SMOC1: variants seen among roughly 807,000 people sequenced by gnomAD.
SMOC1 encodes the protein SPARC related modular calcium binding 1, also known as SPARC-related modular calcium-binding protein 1.
In SMOC1, 22 loss-of-function variants were observed where a neutral mutation model predicts 56.3. The ratio of observed to expected loss-of-function variants is 0.39; its 90% CI spans 0.28 to 0.56. The LOEUF (loss-of-function observed/expected upper bound fraction) is 0.56, where lower values mean the gene tolerates loss of function less well. SMOC1 is among the 20% of genes least tolerant of loss of function. The pLI is 0.61. For missense variants in SMOC1, 509 were observed against 565.4 expected (o/e 0.90, Z 1.01); for synonymous variants, 193 against 215.0 (o/e 0.90, Z 0.89).
intron 1 of SMOC1, among the ~76,000 whole-genome samples, chr14:69,899,796 G>A (rs1884194410): frequency 6.6e-6 from 1 of 152,158 alleles, no homozygotes; most frequent in Non-Finnish European, 1.5e-5. Flanking sequence ...CAGGTTGTCA[G>A]TTACAGTTTA....
chr14:69,961,432 G>C (rs10140099), intron 3 of SMOC1, among the ~76,000 whole-genome samples: 2,561 of 151,478 alleles, frequency 0.017, 29 homozygotes, highest in Middle Eastern at 0.099. Flanking sequence ...CCAGGCTGGA[G>C]TGCAGTGGCA....
chr14:69,952,168 A>C lies in SMOC1; in HGVS notation c.130A>C (p.Asn44His). Residue 44 changes from asparagine to histidine, a missense_variant, in exon 2 of 12, where the codon AAC becomes CAC. Asn to His is a moderately conservative substitution (Grantham distance 68). Coordinates refer to ENST00000361956, the MANE Select transcript of SMOC1 (RefSeq NM_001034852.3). Reference protein sequence around the residue: ...FLISDRDPQCNLHCSRTQPKP... With the variant: ...FLISDRDPQCHLHCSRTQPKP... ...AATAAGTGACCGTGACCCACAGTGC[A>C]ACCTCCACTGCTCCAGGACTCAACC... 6.2e-7 allele frequency: 1 copy of C among 1,614,166 alleles called. No homozygotes were observed. Among genetic ancestry groups the C allele is most frequent in the Non-Finnish European group, 8.5e-7 (1 of 1,180,008 alleles).
intron 1 of SMOC1, among the ~76,000 whole-genome samples, chr14:69,917,967 T>C (rs1342815078): frequency 1.2e-4 from 19 of 152,192 alleles, no homozygotes; most frequent in Admixed American, 1.2e-3. Flanking sequence ...TTCCTGCCTC[T>C]AGTAATGTGG....
intron 5 of SMOC1, among the ~76,000 whole-genome samples, chr14:69,980,463 C>T (rs76352239): frequency 0.01 from 1,554 of 152,258 alleles, 28 homozygotes; most frequent in African/African-American, 0.036. Flanking sequence ...TTTGAAGGAT[C>T]TGATTAGGTG....
rs566590546 is a variant in SMOC1, at chr14:69,907,052, C to T, written c.99+27275C>T. ...ATAGGAGGAGTTAGGTGGAAACAGT[C>T]ATATTTCTGAGAAAATGTTCTTGAA... On this transcript the variant is annotated intron_variant, in intron 1 of 11. Transcript: ENST00000361956. Among the ~76,000 whole-genome samples, 7 of 152,258 alleles carry T rather than the reference C, an allele frequency of 4.6e-5. 1 individual carries two copies. The East Asian group carries it at 1.4e-3, about 29-fold the overall frequency.
chr14:69,913,052 C>T (rs1884595066), intron 1 of SMOC1, among the ~76,000 whole-genome samples: 1 of 152,180 alleles, frequency 6.6e-6, no homozygotes, highest in Non-Finnish European at 1.5e-5. Flanking sequence ...ACAGATCATG[C>T]ACAGTTTGAC....
chr14:69,910,041 C>T lies in SMOC1; in HGVS notation c.99+30264C>T, dbSNP rs148333148. Among the ~76,000 whole-genome samples the T allele has an allele frequency of 3.9e-3, 589 of 152,274 alleles. 6 individuals are homozygous for T. Among genetic ancestry groups the T allele is most frequent in the African/African-American group, 0.013 (559 of 41,542 alleles). On this transcript the variant is annotated intron_variant, in intron 1 of 11. Transcript: ENST00000361956. ...CCTGGCGACAGATCATCTGCCTCTG[C>T]TTTCTGTGTTAGCTTATGTTTTCAG...
At chr14:69,929,714 C>T (rs116283262) in intron 1 of SMOC1, among the ~76,000 whole-genome samples, 174 of 152,160 alleles carry the variant, frequency 1.1e-3, no homozygotes, top group African/African-American at 3.8e-3. Flanking sequence ...TATGATCTCC[C>T]GGGGGAAAAG....
chr14:69,969,808 A>G (rs1883695909), intron 3 of SMOC1, among the ~76,000 whole-genome samples: 1 of 152,188 alleles, frequency 6.6e-6, no homozygotes, highest in South Asian at 2.1e-4. Flanking sequence ...AATATTTCCA[A>G]AGTTATTTGG....
At chr14:69,940,447 A>T (rs146147438) in intron 1 of SMOC1, among the ~76,000 whole-genome samples, 1 of 152,352 alleles carries the variant, frequency 6.6e-6, no homozygotes, top group East Asian at 1.9e-4. Flanking sequence ...GTCAGATCTC[A>T]TAGGAGTGTT....
intron 3 of SMOC1, among the ~76,000 whole-genome samples, chr14:69,973,410 C>T (rs1402641800): frequency 2.0e-5 from 3 of 152,242 alleles, no homozygotes; most frequent in Non-Finnish European, 2.9e-5. Context: ...TAGTTCATAA[C>T]TGGCTGGACC....
In SMOC1 at chr14:70,002,083, T is replaced by C. The variant is rs75702889; in HGVS notation, c.664+7603T>C. ...TTCCCTCTGACCGCCCTGAGTTCTC[T>C]CTGGCAGTTGAGCTTTTAGACCATC... On this transcript the variant is annotated intron_variant, in intron 7 of 11. Transcript: ENST00000361956. 8.7e-3 allele frequency among the ~76,000 whole-genome samples: 1,329 copies of C among 152,330 alleles called. 28 individuals are homozygous for C. The highest frequency in any genetic ancestry group is 0.03 in the African/African-American group (1,234 of 41,570).
chr14:70,015,864 A>T (rs540958683), intron 10 of SMOC1, among the ~76,000 whole-genome samples: 2 of 152,328 alleles, frequency 1.3e-5, no homozygotes, highest in East Asian at 3.9e-4. Context: ...CTGTTGTTTC[A>T]TGCAAAAACA....
chr14:70,020,983 G>A (rs1322424434), intron 10 of SMOC1, among the ~76,000 whole-genome samples: 1 of 152,210 alleles, frequency 6.6e-6, no homozygotes, highest in Non-Finnish European at 1.5e-5. Flanking sequence ...CCCCTGGCAG[G>A]GCCTCTGGGT....
intron 3 of SMOC1, among the ~76,000 whole-genome samples, chr14:69,964,593 G>A (rs1380649548): frequency 6.6e-6 from 1 of 151,862 alleles, no homozygotes; most frequent in East Asian, 1.9e-4. Context: ...TAGCCAAGAT[G>A]GTCTCGATTT....
At chr14:69,930,209 T>TCACCCCCCTGACAGCACCCTTCC (rs1885127961) in intron 1 of SMOC1, among the ~76,000 whole-genome samples, 5 of 129,140 alleles carry the variant, frequency 3.9e-5, no homozygotes, top group African/African-American at 2.1e-4. Context: ...AGCACCCTTC[T>TCACCCCCCTGACAGCACCCTTCC]CACCCCCCTG....
chr14:69,975,114 C>T (rs1883901320), intron 3 of SMOC1, among the ~76,000 whole-genome samples: 1 of 152,122 alleles, frequency 6.6e-6, no homozygotes, highest in South Asian at 2.1e-4. Flanking sequence ...GAGGCCGAGG[C>T]AGGTGAATCA....
chr14:70,017,749 C>A (rs1416464622), intron 10 of SMOC1, among the ~76,000 whole-genome samples: 1 of 152,182 alleles, frequency 6.6e-6, no homozygotes, highest in African/African-American at 2.4e-5. Flanking sequence ...AAAAGGGGAT[C>A]ATTTCTGGTC....
At chr14:69,972,282 CA>C (rs1239005654) in intron 3 of SMOC1, among the ~76,000 whole-genome samples, 2 of 152,174 alleles carry the variant, frequency 1.3e-5, no homozygotes, top group East Asian at 3.9e-4. Context: ...AACTTAGAAA[CA>C]ACCTCTCATT....
Sources: gnomAD v4.1 joint callset for allele counts (sites outside exome capture counted in the v4.1 genomes callset) on GRCh38, gnomAD v4.1.1 for gene constraint, MANE v1.5 for transcripts, NCBI Gene and HGNC (gene_info 2026-07-23, HGNC 2026-07-21) for gene names.